Variants in ALK observed in about 807,000 individuals in gnomAD.
ALK encodes the protein ALK receptor tyrosine kinase.
Under a neutral mutation model 163.1 loss-of-function variants are expected in ALK, and 74 were observed. The observed-to-expected ratio is 0.45, with a 90% CI of 0.38 to 0.55. ALK has a LOEUF of 0.55. Among genes scored for constraint, ALK ranks in the 20% least tolerant of loss-of-function variants. The pLI, the probability that ALK is intolerant of heterozygous loss-of-function variation, is 0.00. For missense variants in ALK, 2,063 were observed against 2,105.3 expected (o/e 0.98, Z 0.39); for synonymous variants, 960 against 843.2 (o/e 1.14, Z -2.40).
chr2:29,578,460 G>T (rs1216647208), intron 3 of ALK, among the ~76,000 whole-genome samples: 1 of 152,194 alleles, frequency 6.6e-6, no homozygotes, highest in African/African-American at 2.4e-5. Flanking sequence ...GCTGTTAATA[G>T]AATCATGAAG....
intron 4 of ALK, among the ~76,000 whole-genome samples, chr2:29,520,207 A>G (rs1422614558): frequency 6.6e-6 from 1 of 152,208 alleles, no homozygotes; most frequent in Non-Finnish European, 1.5e-5. Context: ...AAGGCCACAA[A>G]TGGAGATAAC....
chr2:29,498,750 T>G (rs1672094688), intron 4 of ALK, among the ~76,000 whole-genome samples: 2 of 152,244 alleles, frequency 1.3e-5, no homozygotes, highest in Admixed American at 1.3e-4. Flanking sequence ...CTGATTGAGA[T>G]AAGTATGTAA....
At chr2:29,755,224 C>T (rs960629394) in intron 1 of ALK, among the ~76,000 whole-genome samples, 1 of 152,250 alleles carries the variant, frequency 6.6e-6, no homozygotes, top group East Asian at 1.9e-4. Flanking sequence ...TAGTCAGAAA[C>T]ACCTCAACCC....
intron 4 of ALK, among the ~76,000 whole-genome samples, chr2:29,445,235 G>A (rs1670642904): frequency 6.6e-6 from 1 of 152,166 alleles, no homozygotes; most frequent in Non-Finnish European, 1.5e-5. Context: ...AGGGAGAAAA[G>A]TCTAAAAATA....
At chr2:29,844,888 C>G (rs1350388070) in intron 1 of ALK, among the ~76,000 whole-genome samples, 2 of 150,808 alleles carry the variant, frequency 1.3e-5, no homozygotes, top group Admixed American at 1.3e-4. Flanking sequence ...CACACACACA[C>G]AGAGGCACAC....
At position 29,207,270 on chromosome 2, in the gene ALK, G is replaced by A. The variant is rs74716434; in HGVS notation, c.3839C>T (p.Ala1280Val). ...DFGMARDIYR[A>V]SYYRKGGCAM... ...ACAGCCTCCCTTTCTATAGTAGCTC[G>A]CCCTGTGGGGAAGGAGAGGAAAACC... Residue 1280 changes from alanine (A) to valine (V), a missense_variant and splice_region_variant, in exon 26 of 29, where the codon GCG becomes GTG. By Grantham distance (64) the Ala-to-Val change is moderately conservative. Transcript: ENST00000389048. The A allele has an allele frequency of 5.3e-5, 86 of 1,613,718 alleles. 1 individual carries two copies. The highest frequency in any genetic ancestry group is 1.8e-4 in the East Asian group (8 of 44,880).
chr2:29,393,066 T>C (rs1214006628), intron 4 of ALK, among the ~76,000 whole-genome samples: 10 of 152,054 alleles, frequency 6.6e-5, no homozygotes, highest in Admixed American at 5.2e-4. Context: ...TTACTAAGTG[T>C]TCAAGGTTAC....
At chr2:29,280,635 A>T (rs557188620) in intron 9 of ALK, among the ~76,000 whole-genome samples, 1 of 143,404 alleles carries the variant, frequency 7.0e-6, no homozygotes, top group Non-Finnish European at 1.5e-5. Context: ...ACTGAGGGAA[A>T]GTTCTAGAAT....
At chr2:29,797,025 CACAT>C (rs910414894) in intron 1 of ALK, among the ~76,000 whole-genome samples, 3 of 151,190 alleles carry the variant, frequency 2.0e-5, no homozygotes, top group African/African-American at 7.3e-5. Flanking sequence ...CACACACACA[CACAT>C]ACACACACAT....
intron 1 of ALK, among the ~76,000 whole-genome samples, chr2:29,903,411 A>G (rs541481405): frequency 6.6e-6 from 1 of 152,284 alleles, no homozygotes; most frequent in South Asian, 2.1e-4. Flanking sequence ...GCAAATATTT[A>G]CTGAGCGCCT....
At chr2:29,405,822 A>C (rs1225927347) in intron 4 of ALK, among the ~76,000 whole-genome samples, 1 of 152,220 alleles carries the variant, frequency 6.6e-6, no homozygotes. Flanking sequence ...ACCCTGGAAT[A>C]ATTAATGCCC....
intron 9 of ALK, among the ~76,000 whole-genome samples, 164 bp downstream of exon 9, chr2:29,296,722 AGT>A (rs3054024): frequency 2.4e-3 from 356 of 150,076 alleles, no homozygotes; most frequent in Non-Finnish European, 3.2e-3. Context: ...TAACCTGCAG[AGT>A]GTGTGTGTGT....
intron 4 of ALK, among the ~76,000 whole-genome samples, chr2:29,481,102 C>T (rs1326222983): frequency 1.3e-5 from 2 of 152,182 alleles, no homozygotes; most frequent in Admixed American, 6.5e-5. Context: ...ATTTAGTGAA[C>T]GCGAGACCTG....
At chr2:29,354,767 C>CTTTT (rs763001304) in intron 5 of ALK, among the ~76,000 whole-genome samples, 1 of 138,488 alleles carries the variant, frequency 7.2e-6, no homozygotes, top group African/African-American at 2.6e-5. Context: ...TTTTCTTTTT[C>CTTTT]TTTTTTTTTT....
chr2:29,497,634 T>C (rs771942922), intron 4 of ALK, among the ~76,000 whole-genome samples: 75 of 152,202 alleles, frequency 4.9e-4, no homozygotes, highest in Non-Finnish European at 1.0e-3. Flanking sequence ...TATAATTCTT[T>C]TGTGTGTCCA....
intron 5 of ALK, among the ~76,000 whole-genome samples, chr2:29,330,348 G>T (rs1261023727): frequency 6.6e-6 from 1 of 152,132 alleles, no homozygotes; most frequent in African/African-American, 2.4e-5. Flanking sequence ...GTCCGTCCAG[G>T]TCCAGCTCAC....
At chr2:29,884,354 A>G (rs1261775494) in intron 1 of ALK, among the ~76,000 whole-genome samples, 1 of 152,182 alleles carries the variant, frequency 6.6e-6, no homozygotes, top group Non-Finnish European at 1.5e-5. Flanking sequence ...GAAGCAGAGA[A>G]AAGTCATGAC....
chr2:29,478,358 A>C (rs1671577469), intron 4 of ALK, among the ~76,000 whole-genome samples: 1 of 152,254 alleles, frequency 6.6e-6, no homozygotes, highest in Admixed American at 6.5e-5. Context: ...TTGCAGCCCC[A>C]GAACAGCCTT....
At chr2:29,699,889 G>A (rs564945736) in intron 2 of ALK, among the ~76,000 whole-genome samples, 1 of 152,360 alleles carries the variant, frequency 6.6e-6, no homozygotes, top group South Asian at 2.1e-4. Flanking sequence ...AGCGTCAAGT[G>A]CTATGAAGGG....
Sources: allele counts gnomAD v4.1 joint callset (sites outside exome capture counted in the v4.1 genomes callset), GRCh38; gene constraint gnomAD v4.1.1; transcripts MANE v1.5; gene names NCBI Gene and HGNC (gene_info 2026-07-23, HGNC 2026-07-21).